The following MCTP1 variants were observed in gnomAD, a reference collection of about 807,000 sequenced individuals.
MCTP1 encodes the protein multiple C2 and transmembrane domain containing 1, also known as multiple C2 and transmembrane domain-containing protein 1.
MCTP1 carries 69 observed loss-of-function variants against 120.6 expected under a neutral mutation model. The ratio of observed to expected loss-of-function variants is 0.57; its 90% CI spans 0.47 to 0.70. MCTP1 has a LOEUF of 0.70. Among genes scored for constraint, MCTP1 ranks in the 30% least tolerant of loss-of-function variants. MCTP1 has a pLI of 0.00. For missense variants in MCTP1, 1,203 were observed against 1,248.8 expected (o/e 0.96, Z 0.55); for synonymous variants, 529 against 493.1 (o/e 1.07, Z -0.96).
chr5:94,821,042 G>A (rs1010755986), intron 17 of MCTP1, among the ~76,000 whole-genome samples: 1 of 152,174 alleles, frequency 6.6e-6, no homozygotes, highest in Non-Finnish European at 1.5e-5. Flanking sequence ...CACCCAGCAA[G>A]TAAATGGCAT....
chr5:95,176,579 T>G (rs1397982963), intron 1 of MCTP1, among the ~76,000 whole-genome samples: 1 of 152,118 alleles, frequency 6.6e-6, no homozygotes, highest in East Asian at 1.9e-4. Context: ...CAATAAGTTT[T>G]CATTTAAAAA....
intron 1 of MCTP1, among the ~76,000 whole-genome samples, chr5:95,194,729 T>C (rs1750192415): frequency 6.6e-6 from 1 of 152,098 alleles, no homozygotes; most frequent in Non-Finnish European, 1.5e-5. Context: ...TGAACGTTAC[T>C]GAGAGAATAA....
At chr5:95,200,579 A>G (rs1750897663) in intron 1 of MCTP1, among the ~76,000 whole-genome samples, 1 of 152,190 alleles carries the variant, frequency 6.6e-6, no homozygotes, top group Admixed American at 6.5e-5. Flanking sequence ...ATATTGTATT[A>G]AGTGAAATAA....
intron 2 of MCTP1, among the ~76,000 whole-genome samples, chr5:94,984,492 G>A (rs1010323703): frequency 1.3e-5 from 2 of 152,186 alleles, no homozygotes; most frequent in African/African-American, 4.8e-5. Context: ...ATTCAATAGC[G>A]CATATGAACT....
At chr5:95,097,147 T>C (rs1236211788) in intron 1 of MCTP1, among the ~76,000 whole-genome samples, 1 of 152,068 alleles carries the variant, frequency 6.6e-6, no homozygotes, top group East Asian at 1.9e-4. Context: ...GCCTATGATA[T>C]CAATTCTAAA....
intron 17 of MCTP1, among the ~76,000 whole-genome samples, chr5:94,810,960 T>A (rs1783289355): frequency 6.6e-6 from 1 of 152,182 alleles, no homozygotes; most frequent in Non-Finnish European, 1.5e-5. Flanking sequence ...ATTTAAGACC[T>A]AATAATATCA....
chr5:95,194,211 A>T (rs753358480), intron 1 of MCTP1, among the ~76,000 whole-genome samples: 21 of 152,140 alleles, frequency 1.4e-4, no homozygotes, highest in Non-Finnish European at 3.1e-4. Context: ...CTGTCTGAAA[A>T]GAAAATAAAG....
chr5:94,900,262 C>A (rs1805158990), intron 10 of MCTP1, among the ~76,000 whole-genome samples: 1 of 152,226 alleles, frequency 6.6e-6, no homozygotes, highest in Admixed American at 6.5e-5. Context: ...TACCAATTCT[C>A]ATTGAAATAA....
intron 19 of MCTP1, among the ~76,000 whole-genome samples, chr5:94,735,721 A>C (rs1764076152): frequency 6.6e-6 from 1 of 152,246 alleles, no homozygotes; most frequent in African/African-American, 2.4e-5. Context: ...ATAACTTCTA[A>C]ACTACTGATA....
chr5:95,073,636 G>C (rs1442802288), intron 1 of MCTP1, among the ~76,000 whole-genome samples: 1 of 152,152 alleles, frequency 6.6e-6, no homozygotes, highest in Admixed American at 6.5e-5. Flanking sequence ...GAGCACACTG[G>C]ATATGCTACA....
intron 10 of MCTP1, among the ~76,000 whole-genome samples, chr5:94,903,768 C>T (rs952967706): frequency 3.3e-5 from 5 of 152,188 alleles, no homozygotes; most frequent in African/African-American, 1.2e-4. Context: ...TAAAGATAAA[C>T]AAGCATTTGG....
At chr5:95,112,957 A>G (rs2152391588) in intron 1 of MCTP1, among the ~76,000 whole-genome samples, 1 of 152,320 alleles carries the variant, frequency 6.6e-6, no homozygotes, top group Non-Finnish European at 1.5e-5. Context: ...GCATATTCCG[A>G]CTTTTAGTAA....
chr5:95,020,911 G>T (rs1337779643), intron 1 of MCTP1, among the ~76,000 whole-genome samples: 1 of 151,860 alleles, frequency 6.6e-6, no homozygotes, highest in Non-Finnish European at 1.5e-5. Context: ...CCCATGATCT[G>T]CTTACTTCTG....
Position 95,031,284 on chromosome 5 carries a change from A to G in MCTP1, c.721-13800T>C, listed in dbSNP as rs370764904. Among the ~76,000 whole-genome samples the G allele has an allele frequency of 2.6e-5, 4 of 152,140 alleles. No homozygotes were observed. In the East Asian group the frequency reaches 7.7e-4, roughly 29 times the overall value. On this transcript the variant is annotated intron_variant, in intron 1 of 22. Coordinates refer to ENST00000515393, the MANE Select transcript of MCTP1 (RefSeq NM_024717.7). ...TCCAGATACAGGAAACTCAGAGAAC[A>G]CCTGCAAAACACTATACAAGATAAC...
chr5:94,959,486 G>C (rs1304964631), intron 2 of MCTP1, among the ~76,000 whole-genome samples: 8 of 152,170 alleles, frequency 5.3e-5, no homozygotes, highest in Non-Finnish European at 1.2e-4. Flanking sequence ...AATTATCTCT[G>C]TTTGCAGATG....
At chr5:94,730,392 C>T (rs150748883) in intron 19 of MCTP1, among the ~76,000 whole-genome samples, 108 of 152,308 alleles carry the variant, frequency 7.1e-4, no homozygotes, top group Admixed American at 1.6e-3. Context: ...CTCAAGCAAT[C>T]CTCCTGCCTT....
In MCTP1 at chr5:94,870,503, C is replaced by A. The variant is rs1386569480; in HGVS notation, c.2242-12G>T. ...AAGCTGGCTTTCACCTATACATCAA[C>A]ATATGTGTCTGTTATGGATTAATAT... is the stretch of plus-strand genomic sequence containing the variant. On this transcript the variant is annotated splice_polypyrimidine_tract_variant and intron_variant, in intron 15 of 22. Coordinates refer to ENST00000515393, the MANE Select transcript of MCTP1 (RefSeq NM_024717.7). The A allele has an allele frequency of 5.2e-6, 8 of 1,541,618 alleles. No homozygotes were observed. The highest frequency in any genetic ancestry group is 1.7e-4 in the Middle Eastern group (1 of 5,940).
At chr5:95,101,489 T>C (rs1288461501) in intron 1 of MCTP1, among the ~76,000 whole-genome samples, 1 of 152,212 alleles carries the variant, frequency 6.6e-6, no homozygotes, top group African/African-American at 2.4e-5. Flanking sequence ...CGGTAGTTGG[T>C]GCCATCAACC....
intron 1 of MCTP1, among the ~76,000 whole-genome samples, chr5:95,279,351 C>A (rs1175346900): frequency 6.6e-6 from 1 of 152,164 alleles, no homozygotes; most frequent in African/African-American, 2.4e-5. Flanking sequence ...ATAATGCATA[C>A]ATACTTGCTA....
Sources: allele counts gnomAD v4.1 joint callset (sites outside exome capture counted in the v4.1 genomes callset), GRCh38; gene constraint gnomAD v4.1.1; transcripts MANE v1.5; gene names NCBI Gene and HGNC (gene_info 2026-07-23, HGNC 2026-07-21).